The following NFIB variants were observed in gnomAD, a reference collection of about 807,000 sequenced individuals.
NFIB encodes nuclear factor I B.
A neutral mutation model predicts 61.5 loss-of-function variants in NFIB; 11 were observed. That is an observed-to-expected ratio of 0.18 (90% confidence interval 0.11 to 0.30). The LOEUF (loss-of-function observed/expected upper bound fraction) is 0.30, where lower values mean the gene tolerates loss of function less well. Ranked by LOEUF, NFIB falls within the 10% of genes least tolerant of loss-of-function variation. The probability of loss-of-function intolerance (pLI) is 1.00; values close to 1 mark genes in which losing one functional copy is unlikely to be tolerated. For synonymous variants in NFIB, 260 were observed against 216.5 expected, an observed-to-expected ratio of 1.20 and a Z score of -1.76; for missense variants, 471 against 608.9, an observed-to-expected ratio of 0.77 and a Z score of 2.38.
chr9:14,491,879 A>T, the NFIB span, among the ~76,000 whole-genome samples: 1 of 152,148 alleles, frequency 6.6e-6, no homozygotes, highest in Admixed American at 6.5e-5. Context: ...ATATAATCTG[A>T]ATTCATGTTC....
intron 2 of NFIB, among the ~76,000 whole-genome samples, chr9:14,216,285 G>A (rs1445295908): frequency 6.6e-6 from 1 of 152,040 alleles, no homozygotes; most frequent in Non-Finnish European, 1.5e-5. Context: ...TGGCACTCAG[G>A]CTGAGCTTAT....
chr9:14,204,634 A>G (rs540737556), intron 2 of NFIB: 6 of 682,528 alleles, frequency 8.8e-6, no homozygotes, highest in Non-Finnish European at 1.6e-5. Flanking sequence ...GGACCTCCCC[A>G]CTAAGAACAC....
At chr9:14,134,497 C>G (rs755509102) in intron 6 of NFIB, among the ~76,000 whole-genome samples, 4 of 152,094 alleles carry the variant, frequency 2.6e-5, no homozygotes, top group Admixed American at 6.6e-5. Flanking sequence ...CTGTATCTCT[C>G]TTTATAATAC....
chr9:14,485,917 C>A, the NFIB span, among the ~76,000 whole-genome samples: 4 of 151,698 alleles, frequency 2.6e-5, no homozygotes, highest in African/African-American at 9.7e-5. Context: ...CCCCCCACAA[C>A]ACACACACAG....
At chr9:14,493,904 A>C in the NFIB span, among the ~76,000 whole-genome samples, 1 of 152,322 alleles carries the variant, frequency 6.6e-6, no homozygotes, top group Admixed American at 6.5e-5. Flanking sequence ...GAAGTGGCAG[A>C]ATCAGAGAGG....
At chr9:14,199,301 T>C (rs1044374668) in intron 2 of NFIB, among the ~76,000 whole-genome samples, 3 of 152,328 alleles carry the variant, frequency 2.0e-5, no homozygotes, top group Admixed American at 6.5e-5. Context: ...GCTGGCCATG[T>C]GTCCTTGGCA....
chr9:14,146,194 T>C (rs1035818752), intron 6 of NFIB, among the ~76,000 whole-genome samples: 2 of 152,176 alleles, frequency 1.3e-5, no homozygotes, highest in African/African-American at 4.8e-5. Flanking sequence ...CATAGCTAGA[T>C]TGACTCCAAC....
chr9:14,518,526 G>C, the NFIB span, among the ~76,000 whole-genome samples: 1 of 151,310 alleles, frequency 6.6e-6, no homozygotes, highest in African/African-American at 2.4e-5. Flanking sequence ...TAGCCTAGTG[G>C]GAAACAAAAA....
chr9:14,136,382 G>GA (rs2041048106), intron 6 of NFIB, among the ~76,000 whole-genome samples: 1 of 152,064 alleles, frequency 6.6e-6, no homozygotes, highest in Non-Finnish European at 1.5e-5. Flanking sequence ...TGCCTCTCGG[G>GA]AAAACCTCTT....
intron 2 of NFIB, among the ~76,000 whole-genome samples, chr9:14,207,982 A>G (rs561236969): frequency 6.6e-6 from 1 of 152,334 alleles, no homozygotes; most frequent in South Asian, 2.1e-4. Context: ...AGAGCACAGC[A>G]CCATCAGATT....
At chr9:14,461,327 A>G in the NFIB span, among the ~76,000 whole-genome samples, 3 of 152,196 alleles carry the variant, frequency 2.0e-5, no homozygotes, top group Non-Finnish European at 2.9e-5. Context: ...GAATGGAGGA[A>G]CACAGGTGAT....
intron 1 of NFIB, among the ~76,000 whole-genome samples, chr9:14,387,813 G>T (rs1276956916): frequency 6.6e-6 from 1 of 152,132 alleles, no homozygotes; most frequent in Non-Finnish European, 1.5e-5. Flanking sequence ...ATTTCTTGGG[G>T]CAGTATTTTC....
chr9:14,458,938 C>T, the NFIB span, among the ~76,000 whole-genome samples: 1 of 152,192 alleles, frequency 6.6e-6, no homozygotes, highest in Non-Finnish European at 1.5e-5. Flanking sequence ...AATGGCCATA[C>T]TGCCCAAGGT....
At chr9:14,154,235 A>C (rs2131197440) in intron 4 of NFIB, among the ~76,000 whole-genome samples, 1 of 152,204 alleles carries the variant, frequency 6.6e-6, no homozygotes, top group East Asian at 1.9e-4. Context: ...TACTAAATAA[A>C]TATTTTCTGA....
chr9:14,240,940 A>G (rs2054280649), intron 2 of NFIB, among the ~76,000 whole-genome samples: 1 of 152,222 alleles, frequency 6.6e-6, no homozygotes, highest in Non-Finnish European at 1.5e-5. Flanking sequence ...AGGACCAACT[A>G]AACTGTATCC....
chr9:14,450,018 G>C, the NFIB span, among the ~76,000 whole-genome samples: 1 of 151,926 alleles, frequency 6.6e-6, no homozygotes, highest in Non-Finnish European at 1.5e-5. Flanking sequence ...TGTTCACAAT[G>C]TGCAGGTTTG....
chr9:14,506,797 G>C, the NFIB span, among the ~76,000 whole-genome samples: 1 of 152,142 alleles, frequency 6.6e-6, no homozygotes, highest in Non-Finnish European at 1.5e-5. Context: ...TGAAAGGGGA[G>C]AGCAGTTTTC....
chr9:14,318,861 A>T (rs2060600319), upstream of NFIB, among the ~76,000 whole-genome samples: 1 of 152,208 alleles, frequency 6.6e-6, no homozygotes, highest in Non-Finnish European at 1.5e-5. Flanking sequence ...AATCAATTTT[A>T]CCAGCTCAGG....
At chr9:14,322,127 T>A in intron 1 of NFIB, 1 of 1,221,754 alleles carries the variant, frequency 8.2e-7, no homozygotes, top group Non-Finnish European at 1.0e-6. Flanking sequence ...GTCTTATGTA[T>A]TTTTTAATTG....
Sources: gnomAD v4.1 joint callset for allele counts (sites outside exome capture counted in the v4.1 genomes callset) on GRCh38, gnomAD v4.1.1 for gene constraint, MANE v1.5 for transcripts, NCBI Gene and HGNC (gene_info 2026-07-23, HGNC 2026-07-21) for gene names.